EFNA5: variants seen among roughly 807,000 people sequenced by gnomAD.
EFNA5 encodes the protein ephrin A5, also known as ephrin-A5.
Under a neutral mutation model 22.9 loss-of-function variants are expected in EFNA5, and 5 were observed. That is an observed-to-expected ratio of 0.22 (90% CI 0.11 to 0.46). EFNA5 has a LOEUF of 0.46. EFNA5 is among the 20% of genes least tolerant of loss of function. The pLI, the probability that EFNA5 is intolerant of heterozygous loss-of-function variation, is 0.99. For missense variants in EFNA5, 237 were observed against 293.3 expected (o/e 0.81, Z 1.40); for synonymous variants, 113 against 112.2 (o/e 1.01, Z -0.04).
rs1174902786 is a variant in EFNA5, at chr5:107,463,397, C to T, written c.126-35888G>A. On this transcript the variant is annotated intron_variant, in intron 1 of 4. Transcript: ENST00000333274. ...TAAAATATATATATTTCTGATTTTC[C>T]TCAATAATACATTTATTTTATAATC... 2.0e-5 allele frequency among the ~76,000 whole-genome samples: 3 copies of T among 151,850 alleles called. No homozygotes were observed. In the East Asian group the frequency reaches 5.8e-4, roughly 29 times the overall value.
chr5:107,609,201 T>G (rs1321982410), intron 1 of EFNA5, among the ~76,000 whole-genome samples: 1 of 152,178 alleles, frequency 6.6e-6, no homozygotes, highest in Non-Finnish European at 1.5e-5. Flanking sequence ...CTCTCTACAT[T>G]TCTAATAAAA....
intron 1 of EFNA5, among the ~76,000 whole-genome samples, chr5:107,642,115 A>C (rs1750537294): frequency 6.6e-6 from 1 of 152,188 alleles, no homozygotes; most frequent in South Asian, 2.1e-4. Context: ...AATCATAATC[A>C]ATCTTATTTC....
intron 2 of EFNA5, among the ~76,000 whole-genome samples, chr5:107,416,134 C>T (rs529952154): frequency 6.6e-6 from 1 of 152,306 alleles, no homozygotes; most frequent in East Asian, 1.9e-4. Flanking sequence ...ACCCCACAAA[C>T]CATTCAATAG....
At chr5:107,463,968 T>C (rs1451023486) in intron 1 of EFNA5, among the ~76,000 whole-genome samples, 1 of 152,196 alleles carries the variant, frequency 6.6e-6, no homozygotes, top group Non-Finnish European at 1.5e-5. Flanking sequence ...CAGTTTACTC[T>C]GTATGACAGC....
chr5:107,401,376 CT>C (rs36073699), intron 2 of EFNA5, among the ~76,000 whole-genome samples: 6 of 152,264 alleles, frequency 3.9e-5, no homozygotes, highest in African/African-American at 1.4e-4. Flanking sequence ...TTGAAATTGG[CT>C]TTGAAGTTTG....
chr5:107,525,455 T>C (rs896637802), intron 1 of EFNA5, among the ~76,000 whole-genome samples: 4 of 152,216 alleles, frequency 2.6e-5, no homozygotes, highest in Non-Finnish European at 5.9e-5. Flanking sequence ...TGAAAATCCA[T>C]GTATAACTTC....
chr5:107,434,147 G>C (rs1375516787), intron 1 of EFNA5, among the ~76,000 whole-genome samples: 1 of 152,142 alleles, frequency 6.6e-6, no homozygotes, highest in Non-Finnish European at 1.5e-5. Flanking sequence ...TTTCAAACTT[G>C]GGTGGCTGAA....
At chr5:107,665,768 A>G (rs1262648622) in intron 1 of EFNA5, among the ~76,000 whole-genome samples, 4 of 152,182 alleles carry the variant, frequency 2.6e-5, no homozygotes, top group African/African-American at 7.2e-5. Context: ...TCAAAATTCT[A>G]TGGAAAACTC....
chr5:107,549,584 C>T (rs1210617336), intron 1 of EFNA5, among the ~76,000 whole-genome samples: 3 of 152,222 alleles, frequency 2.0e-5, no homozygotes, highest in Non-Finnish European at 2.9e-5. Context: ...TCATCCATAC[C>T]GAGCACCCAC....
chr5:107,491,377 T>C (rs1049623146), intron 1 of EFNA5, among the ~76,000 whole-genome samples: 1 of 152,298 alleles, frequency 6.6e-6, no homozygotes, highest in Middle Eastern at 3.4e-3. Flanking sequence ...AATGGCGTGA[T>C]CTCAGCTCAC....
intron 1 of EFNA5, among the ~76,000 whole-genome samples, chr5:107,452,161 T>C (rs1007118792): frequency 6.6e-6 from 1 of 151,810 alleles, no homozygotes; most frequent in African/African-American, 2.4e-5. Context: ...GAGCTGAACA[T>C]TGAGAACACA....
At chr5:107,503,171 T>C (rs915782753) in intron 1 of EFNA5, among the ~76,000 whole-genome samples, 4 of 152,306 alleles carry the variant, frequency 2.6e-5, no homozygotes, top group Admixed American at 1.3e-4. Flanking sequence ...AATAAACTTG[T>C]CTACTATGCA....
At chr5:107,435,812 T>C (rs992943326) in intron 1 of EFNA5, among the ~76,000 whole-genome samples, 2 of 152,238 alleles carry the variant, frequency 1.3e-5, no homozygotes, top group Non-Finnish European at 2.9e-5. Flanking sequence ...GCTGTGTTTA[T>C]ACATTAATGA....
At position 107,490,838 on chromosome 5, in the gene EFNA5, T is replaced by C. The variant is rs73197054; in HGVS notation, c.126-63329A>G. 4.7e-3 allele frequency among the ~76,000 whole-genome samples: 710 copies of C among 152,336 alleles called. 2 individuals are homozygous for C. The highest frequency in any genetic ancestry group is 0.016 in the African/African-American group (683 of 41,574). On this transcript the variant is annotated intron_variant, in intron 1 of 4. Coordinates refer to ENST00000333274, the MANE Select transcript of EFNA5 (RefSeq NM_001962.3). ...CCTCAGTATTAATCCTAGTTACACA[T>C]ACTCTAACAGGACATGATCTTAACC...
chr5:107,599,401 T>A (rs1416316763), intron 1 of EFNA5, among the ~76,000 whole-genome samples: 1 of 150,404 alleles, frequency 6.6e-6, no homozygotes, highest in African/African-American at 2.4e-5. Flanking sequence ...GTAGGGATTA[T>A]AAAACATATA....
At chr5:107,592,610 C>A (rs987223165) in intron 1 of EFNA5, among the ~76,000 whole-genome samples, 1 of 152,100 alleles carries the variant, frequency 6.6e-6, no homozygotes, top group African/African-American at 2.4e-5. Context: ...TTATTCCATG[C>A]AGGTTAGGGG....
chr5:107,453,456 T>C lies in EFNA5; in HGVS notation c.126-25947A>G, dbSNP rs115322316. 1.1e-3 allele frequency among the ~76,000 whole-genome samples: 164 copies of C among 152,322 alleles called. 1 individual carries two copies. Among genetic ancestry groups the C allele is most frequent in the African/African-American group, 3.9e-3 (161 of 41,590 alleles). ...CTTAAAATATGCTGAGCCTATTATA[T>C]ATGGGACTCTTTCTTATGCACTCTA... On this transcript the variant is annotated intron_variant, in intron 1 of 4. Coordinates refer to ENST00000333274, the MANE Select transcript of EFNA5 (RefSeq NM_001962.3).
At chr5:107,622,426 T>C (rs1750055344) in intron 1 of EFNA5, among the ~76,000 whole-genome samples, 1 of 152,202 alleles carries the variant, frequency 6.6e-6, no homozygotes, top group African/African-American at 2.4e-5. Flanking sequence ...CCTTTCCAGG[T>C]GAACAAAAAT....
At chr5:107,441,390 T>C (rs979351418) in intron 1 of EFNA5, among the ~76,000 whole-genome samples, 1 of 152,188 alleles carries the variant, frequency 6.6e-6, no homozygotes, top group Admixed American at 6.5e-5. Flanking sequence ...GCACTAATAT[T>C]CAGGGCTGGA....
Sources: allele counts gnomAD v4.1 joint callset (sites outside exome capture counted in the v4.1 genomes callset), GRCh38; gene constraint gnomAD v4.1.1; transcripts MANE v1.5; gene names NCBI Gene and HGNC (gene_info 2026-07-23, HGNC 2026-07-21).